Variants in PDE4D observed in about 807,000 individuals in gnomAD.
PDE4D encodes phosphodiesterase 4D.
PDE4D carries 24 observed loss-of-function variants against 87.4 expected under a neutral mutation model. The ratio of observed to expected loss-of-function variants is 0.27; its 90% CI spans 0.20 to 0.39. The LOEUF (loss-of-function observed/expected upper bound fraction) is 0.39. Ranked by LOEUF, PDE4D falls within the 10% of genes least tolerant of loss-of-function variation. The pLI is 1.00. For synonymous variants in PDE4D, 384 were observed against 383.2 expected (o/e 1.00, Z -0.02); for missense variants, 714 against 1,041.0 (o/e 0.69, Z 4.32).
intron 1 of PDE4D, chr5:59,768,324 A>G: frequency 6.3e-7 from 1 of 1,598,216 alleles, no homozygotes; most frequent in Non-Finnish European, 8.5e-7. Context: ...GCCTGGGGGA[A>G]TTTCTCGGAG....
At chr5:60,015,539 C>T (rs908049633) in intron 2 of PDE4D, among the ~76,000 whole-genome samples, 2 of 152,192 alleles carry the variant, frequency 1.3e-5, no homozygotes, top group Non-Finnish European at 2.9e-5. Context: ...TGATGAGACA[C>T]TACACAGAGA....
intron 11 of PDE4D, among the ~76,000 whole-genome samples, chr5:58,980,590 G>A (rs1011350187): frequency 5.9e-5 from 9 of 151,686 alleles, no homozygotes; most frequent in Non-Finnish European, 1.2e-4. Context: ...AACTACCCTG[G>A]ATCATCAAGA....
intron 1 of PDE4D, among the ~76,000 whole-genome samples, chr5:60,324,055 C>T (rs1212236005): frequency 2.0e-5 from 3 of 152,278 alleles, no homozygotes; most frequent in Non-Finnish European, 4.4e-5. Flanking sequence ...GTAAATGCCT[C>T]ACTAAAAGGT....
rs374622248 is a variant in PDE4D, at chr5:60,161,860, C to T, written c.42+23697G>A. Among the ~76,000 whole-genome samples the T allele has an allele frequency of 3.7e-4, 56 of 152,234 alleles. 1 individual carries two copies. The highest frequency in any genetic ancestry group is 1.3e-3 in the African/African-American group (53 of 41,544). On this transcript the variant is annotated intron_variant, in intron 2 of 16. Coordinates refer to the PDE4D transcript ENST00000502484. ...ACAGAAATCATTCACTTACCACTAT[C>T]CCTATTTTACAAAGGAGAAAACTGA... is the stretch of plus-strand genomic sequence containing the variant.
intron 1 of PDE4D, among the ~76,000 whole-genome samples, chr5:59,717,145 T>C (rs1051033296): frequency 6.6e-6 from 1 of 152,210 alleles, no homozygotes; most frequent in Non-Finnish European, 1.5e-5. Flanking sequence ...CTTTATTCTC[T>C]CTCAGATGAC....
chr5:59,062,702 G>T (rs1413935288), intron 5 of PDE4D, among the ~76,000 whole-genome samples: 2 of 86,186 alleles, frequency 2.3e-5, no homozygotes, highest in African/African-American at 3.4e-5. Context: ...GAATGCATGT[G>T]GTTTTTTTTT....
intron 2 of PDE4D, among the ~76,000 whole-genome samples, chr5:60,074,379 G>T (rs899370043): frequency 6.6e-6 from 1 of 151,992 alleles, no homozygotes. Context: ...ATTGCACTGT[G>T]GTTCAATATG....
At position 59,178,649 on chromosome 5, in the gene PDE4D, C is replaced by T. The variant is rs145113441; in HGVS notation, c.808+1946G>A. ...CTGCCCTGACCACTGAGCACCCAAC[C>T]ATCTGTTGTCAGCCACAACAATTTC... On this transcript the variant is annotated intron_variant, in intron 5 of 14. Transcript: ENST00000340635. Among the ~76,000 whole-genome samples the T allele has an allele frequency of 6.1e-3, 933 of 152,272 alleles. 14 individuals are homozygous for T. The highest frequency in any genetic ancestry group is 0.02 in the African/African-American group (822 of 41,550).
intron 2 of PDE4D, among the ~76,000 whole-genome samples, chr5:60,064,449 G>A (rs536990921): frequency 6.6e-6 from 1 of 152,144 alleles, no homozygotes; most frequent in East Asian, 1.9e-4. Context: ...CATACTCAGA[G>A]CTCTCGTTGT....
At chr5:60,506,182 C>CCA in intron 1 of PDE4D, among the ~76,000 whole-genome samples, 1 of 152,342 alleles carries the variant, frequency 6.6e-6, no homozygotes, top group South Asian at 2.1e-4. Flanking sequence ...GACACAGTTC[C>CCA]TGTTCTGGAA....
upstream of PDE4D, chr5:59,893,900 G>A: frequency 4.9e-6 from 5 of 1,028,722 alleles, no homozygotes; most frequent in Non-Finnish European, 6.2e-6. Flanking sequence ...TAGGGTGCGC[G>A]GTGCCCGGTT....
At chr5:60,307,821 A>G (rs1432158618) in intron 1 of PDE4D, among the ~76,000 whole-genome samples, 2 of 152,312 alleles carry the variant, frequency 1.3e-5, no homozygotes, top group Admixed American at 1.3e-4. Flanking sequence ...AAGCATAGAG[A>G]GTGACAGCCT....
chr5:59,453,923 C>T lies in PDE4D; in HGVS notation c.456-237955G>A, dbSNP rs374386763. 4.6e-5 allele frequency among the ~76,000 whole-genome samples: 7 copies of T among 152,222 alleles called. No individual in the cohort carries two copies. The East Asian group carries it at 7.7e-4, about 17-fold the overall frequency. On this transcript the variant is annotated intron_variant, in intron 1 of 14. Transcript: ENST00000340635. ...CTAGAAAGAATAAGTCAATGTTTGG[C>T]TTCAAAGATTCAAAAGACAGGCTGA...
At chr5:59,935,855 A>G (rs1038533270) in intron 3 of PDE4D, among the ~76,000 whole-genome samples, 3 of 152,148 alleles carry the variant, frequency 2.0e-5, no homozygotes, top group Non-Finnish European at 2.9e-5. Context: ...CCAGTCTATC[A>G]TTGGTGGACA....
intron 2 of PDE4D, among the ~76,000 whole-genome samples, chr5:60,089,474 T>A (rs986277082): frequency 6.6e-6 from 1 of 151,720 alleles, no homozygotes; most frequent in Non-Finnish European, 1.5e-5. Context: ...AAAGGAAATT[T>A]AAAAAATTTT....
chr5:60,502,532 C>A (rs987003231), intron 1 of PDE4D, among the ~76,000 whole-genome samples: 52 of 152,254 alleles, frequency 3.4e-4, no homozygotes, highest in Non-Finnish European at 4.9e-4. Flanking sequence ...TTTTCCAATT[C>A]TGTGAAGAAA....
chr5:59,306,695 C>T (rs1771452241), intron 1 of PDE4D, among the ~76,000 whole-genome samples: 1 of 149,874 alleles, frequency 6.7e-6, no homozygotes, highest in African/African-American at 2.5e-5. Flanking sequence ...AACCACTGCT[C>T]AATGAAATAA....
At chr5:59,677,861 A>T (rs1278523400) in intron 1 of PDE4D, among the ~76,000 whole-genome samples, 1 of 152,154 alleles carries the variant, frequency 6.6e-6, no homozygotes, top group African/African-American at 2.4e-5. Context: ...CCTAGTCTAC[A>T]TTGTTCCCAC....
chr5:60,277,400 A>G (rs995340836), intron 1 of PDE4D, among the ~76,000 whole-genome samples: 18 of 152,298 alleles, frequency 1.2e-4, no homozygotes, highest in African/African-American at 4.3e-4. Context: ...AAATGAATTC[A>G]GTAAGGCTGC....
Sources: gnomAD v4.1 joint callset for allele counts (sites outside exome capture counted in the v4.1 genomes callset) on GRCh38, gnomAD v4.1.1 for gene constraint, MANE v1.5 for transcripts, NCBI Gene and HGNC (gene_info 2026-07-23, HGNC 2026-07-21) for gene names.